PLXNC1: variants seen among roughly 807,000 people sequenced by gnomAD.
PLXNC1 encodes plexin C1.
In PLXNC1, 75 loss-of-function variants were observed where a neutral mutation model predicts 178.2. That is an observed-to-expected ratio of 0.42 (90% CI 0.35 to 0.51). The LOEUF is 0.51. PLXNC1 is among the 20% of genes least tolerant of loss of function. The pLI, the probability that PLXNC1 is intolerant of heterozygous loss-of-function variation, is 0.02. For synonymous variants in PLXNC1, 790 were observed against 779.9 expected, an observed-to-expected ratio of 1.01 and a Z score of -0.22; for missense variants, 1,503 against 1,984.4, an observed-to-expected ratio of 0.76 and a Z score of 4.61.
intron 21 of PLXNC1, among the ~76,000 whole-genome samples, chr12:94,271,566 A>G (rs1049274772): frequency 6.6e-6 from 1 of 152,226 alleles, no homozygotes; most frequent in Non-Finnish European, 1.5e-5. Flanking sequence ...CTTGGGTTTG[A>G]ATCTGGGCTC....
intron 1 of PLXNC1, among the ~76,000 whole-genome samples, chr12:94,165,818 T>G (rs1961587493): frequency 6.6e-6 from 1 of 152,054 alleles, no homozygotes; most frequent in African/African-American, 2.4e-5. Flanking sequence ...ATCTTGAATC[T>G]CATGGAAACA....
chr12:94,209,655 G>T lies in PLXNC1; in HGVS notation c.1505G>T (p.Gly502Val). The T allele has an allele frequency of 6.2e-7, 1 of 1,613,406 alleles. No homozygotes were observed. Among genetic ancestry groups the T allele is most frequent in the South Asian group, 1.1e-5 (1 of 91,058 alleles). Residue 502 changes from glycine (G) to valine (V), a missense_variant, in exon 5 of 31, where the codon GGA becomes GTA. This residue lies in a region of PLXNC1 where 615 missense variants were observed against 698.6 expected (regional missense o/e 0.88). Coordinates refer to ENST00000258526, the MANE Select transcript of PLXNC1 (RefSeq NM_005761.3). ...NLENWLDISS[G>V]AKKCPKIQII... ...GAAAACTGGCTGGATATTTCGTCTG[G>T]AGCAAAAAAGTGCCCTAAAATTCAG...
rs2291329 is a variant in PLXNC1, at chr12:94,227,541, A to G, written c.1980+306A>G. 106 of 259,674 alleles carry G rather than the reference A, an allele frequency of 4.1e-4. No homozygotes were observed. In the East Asian group the frequency reaches 7.2e-3, roughly 18 times the overall value. 16.1% of individuals were successfully genotyped at this position (259,674 alleles called of 1,614,324 possible). ...GAGCTGGAAGGAAGTTTAGCATTCC[A>G]TCTGAGGGATTTCAACTTGCACTTT... On this transcript the variant is annotated intron_variant, in intron 9 of 30. Coordinates refer to ENST00000258526, the MANE Select transcript of PLXNC1 (RefSeq NM_005761.3).
At chr12:94,251,578 C>T (rs773433389) in intron 15 of PLXNC1, 50 bp downstream of exon 15, 12 of 1,187,746 alleles carry the variant, frequency 1.0e-5, no homozygotes, top group Non-Finnish European at 1.4e-5. Context: ...TGGGGCCTCT[C>T]GCCGGGCAGG....
At chr12:94,225,385 G>C (rs1963910172) in intron 7 of PLXNC1, among the ~76,000 whole-genome samples, 2 of 152,128 alleles carry the variant, frequency 1.3e-5, no homozygotes, top group African/African-American at 2.4e-5. Context: ...TGAATGATTA[G>C]AACAGGAGCC....
intron 21 of PLXNC1, among the ~76,000 whole-genome samples, chr12:94,267,603 TA>T (rs1965317525): frequency 6.6e-6 from 1 of 152,216 alleles, no homozygotes; most frequent in Admixed American, 6.5e-5. Context: ...CACTTGTTTT[TA>T]GGGGCCTTGC....
Position 94,287,606 on chromosome 12 carries a change from A to G in PLXNC1, c.3879+5205A>G, listed in dbSNP as rs1681875. On this transcript the variant is annotated intron_variant, in intron 23 of 30. Transcript: ENST00000258526. ...TTTTGAGAGGCAGAAATGTTGTTTA[A>G]CCGCTTTCATTAACAGATGTGTACT... Among the ~76,000 whole-genome samples the G allele has an allele frequency of 7.5e-3, 1,138 of 152,294 alleles. 8 individuals carry two copies. Among genetic ancestry groups the G allele is most frequent in the Non-Finnish European group, 0.011 (727 of 68,028 alleles).
chr12:94,170,439 G>C (rs1179303821), intron 2 of PLXNC1, among the ~76,000 whole-genome samples: 1 of 152,134 alleles, frequency 6.6e-6, no homozygotes, highest in Admixed American at 6.5e-5. Context: ...AGCCTGAAAT[G>C]CTTTTTTCTT....
At chr12:94,159,331 C>A (rs559087715) in intron 1 of PLXNC1, among the ~76,000 whole-genome samples, 1 of 152,150 alleles carries the variant, frequency 6.6e-6, no homozygotes, top group Non-Finnish European at 1.5e-5. Context: ...GATGAAGAAA[C>A]GGAGGCACTT....
At chr12:94,228,101 G>C (rs769220083) in intron 9 of PLXNC1, among the ~76,000 whole-genome samples, 4 of 152,220 alleles carry the variant, frequency 2.6e-5, no homozygotes, top group Admixed American at 6.5e-5. Context: ...AGGTAAATAA[G>C]TAGCATATTT....
chr12:94,240,001 A>G (rs1964344345), intron 10 of PLXNC1, among the ~76,000 whole-genome samples: 1 of 152,210 alleles, frequency 6.6e-6, no homozygotes, highest in Non-Finnish European at 1.5e-5. Context: ...CCCGGTTTCA[A>G]AGCCTATCAA....
intron 1 of PLXNC1, among the ~76,000 whole-genome samples, chr12:94,162,998 TGAG>T (rs1961446903): frequency 6.6e-6 from 1 of 152,166 alleles, no homozygotes. Context: ...GCTCCCATAA[TGAG>T]GAGCCATCCC....
At chr12:94,174,339 C>G (rs571545914) in intron 2 of PLXNC1, among the ~76,000 whole-genome samples, 1 of 152,036 alleles carries the variant, frequency 6.6e-6, no homozygotes, top group Admixed American at 6.6e-5. Context: ...CCTGTGCCCC[C>G]ACACCTGGCT....
intron 2 of PLXNC1, among the ~76,000 whole-genome samples, chr12:94,179,724 G>A (rs1962235378): frequency 7.6e-6 from 1 of 131,276 alleles, no homozygotes; most frequent in Admixed American, 8.7e-5. Context: ...CTGGGCGACT[G>A]AGTAAGACTC....
chr12:94,179,713 TCTGGGCGACTGAGTAAGA>T (rs1320951694), intron 2 of PLXNC1, among the ~76,000 whole-genome samples: 2 of 139,920 alleles, frequency 1.4e-5, no homozygotes, highest in Non-Finnish European at 3.0e-5. Flanking sequence ...TGCACTCCAG[TCTGGGCGACTGAGTAAGA>T]CTCCATCTCA....
At chr12:94,192,926 AGT>A (rs1249615459) in intron 4 of PLXNC1, among the ~76,000 whole-genome samples, 4 of 152,138 alleles carry the variant, frequency 2.6e-5, no homozygotes, top group Admixed American at 2.6e-4. Flanking sequence ...AAATGAATAG[AGT>A]GTCATAAGAG....
chr12:94,230,032 A>G (rs1431468128), intron 9 of PLXNC1, among the ~76,000 whole-genome samples: 1 of 152,234 alleles, frequency 6.6e-6, no homozygotes, highest in African/African-American at 2.4e-5. Flanking sequence ...CAGTCAAGAC[A>G]CAGAACAGCT....
chr12:94,195,790 G>A (rs1380649754), intron 4 of PLXNC1, among the ~76,000 whole-genome samples: 1 of 151,888 alleles, frequency 6.6e-6, no homozygotes. Flanking sequence ...GCAGGGCCCT[G>A]TGGTCAGTCT....
Position 94,169,253 on chromosome 12 carries a change from C to T in PLXNC1, c.1163C>T (p.Thr388Ile), listed in dbSNP as rs762861629. 9.9e-6 allele frequency: 16 copies of T among 1,613,922 alleles called. No homozygotes were observed. Among genetic ancestry groups the T allele is most frequent in the Non-Finnish European group, 1.4e-5 (16 of 1,179,900 alleles). The change falls in exon 2 of 31, where the codon ACT (threonine) becomes ATT (isoleucine). Residue 388 changes from threonine to isoleucine, a missense_variant. By Grantham distance (89) the Thr-to-Ile change is moderately conservative. Transcript: ENST00000258526. Reference sequence around the variant, plus strand: ...TATGGCACCGTGGTAATGAACAGGACTGTTTTATTCTTGGGGACTGGAGAT... The same window carrying T: ...TATGGCACCGTGGTAATGAACAGGATTGTTTTATTCTTGGGGACTGGAGAT... Reference protein sequence around the residue: ...SVYGTVVMNRTVLFLGTGDGQ... With the variant: ...SVYGTVVMNRIVLFLGTGDGQ...
Sources: gnomAD v4.1 joint callset for allele counts (sites outside exome capture counted in the v4.1 genomes callset) on GRCh38, gnomAD v4.1.1 for gene constraint, gnomAD v4.1.1 regional missense constraint, MANE v1.5 for transcripts, NCBI Gene and HGNC (gene_info 2026-07-23, HGNC 2026-07-21) for gene names.